The following TBC1D2B variants were observed in gnomAD, a reference collection of about 807,000 sequenced individuals.
TBC1D2B encodes the protein TBC1 domain family, member 2B.
In TBC1D2B, 64 loss-of-function variants were observed where a neutral mutation model predicts 100.8. The observed-to-expected ratio is 0.64, with a 90% confidence interval of 0.52 to 0.78. TBC1D2B has a LOEUF of 0.78. TBC1D2B is among the 30% of genes least tolerant of loss of function. TBC1D2B has a pLI of 0.00. For missense variants in TBC1D2B, 1,052 were observed against 1,218.4 expected, an observed-to-expected ratio of 0.86 and a Z score of 2.03; for synonymous variants, 480 against 479.7, an observed-to-expected ratio of 1.00 and a Z score of -0.01.
In TBC1D2B at chr15:78,054,056, A is replaced by T. The variant is rs757780772; in HGVS notation, c.492T>A (p.Gly164=). ...TACCAGTGTTATCTCTGGCTACAAG[A>T]CCCTTAGGAAAATCCCCGGGAGTTG... The part of the protein sequence containing the change: ...TSPTPGDFPK[G]LVARDNTDLI... The change falls in exon 2 of 13, where the codon GGT becomes GGA. Residue 164 remains glycine, a synonymous_variant. Transcript: ENST00000300584. 46 of 1,613,172 alleles carry T rather than the reference A, an allele frequency of 2.9e-5. No individual in the cohort carries two copies. The highest frequency in any genetic ancestry group is 3.9e-5 in the Non-Finnish European group (46 of 1,179,638).
intron 9 of TBC1D2B, among the ~76,000 whole-genome samples, chr15:78,010,247 G>A (rs2072187653): frequency 6.6e-6 from 1 of 152,122 alleles, no homozygotes; most frequent in Non-Finnish European, 1.5e-5. Flanking sequence ...CACTTGCTTT[G>A]TTGTTCATAA....
At chr15:78,055,320 A>G (rs1283581078) in intron 1 of TBC1D2B, among the ~76,000 whole-genome samples, 1 of 152,128 alleles carries the variant, frequency 6.6e-6, no homozygotes, top group Non-Finnish European at 1.5e-5. Context: ...TTAAAAAAAA[A>G]ATCAACCAAG....
chr15:78,056,686 CTTTTTTTTTTTTTTTTTTT>C (rs368714497), intron 1 of TBC1D2B, among the ~76,000 whole-genome samples: 1 of 112,900 alleles, frequency 8.9e-6, no homozygotes, highest in Non-Finnish European at 1.7e-5. Context: ...CAGTCCTCCT[CTTTTTTTTTTTTTTTTTTT>C]TTTTTTTTTT....
intron 3 of TBC1D2B, among the ~76,000 whole-genome samples, chr15:78,036,087 T>C (rs931674338): frequency 6.6e-5 from 10 of 152,212 alleles, no homozygotes; most frequent in African/African-American, 2.4e-4. Context: ...TGCACTGACA[T>C]AGTGGATACT....
chr15:78,027,957 G>T (rs1284709874), intron 4 of TBC1D2B, among the ~76,000 whole-genome samples: 2 of 151,490 alleles, frequency 1.3e-5, no homozygotes, highest in African/African-American at 4.8e-5. Context: ...GGATCCTATG[G>T]AGCACAGGTA....
At position 77,998,087 on chromosome 15, in the gene TBC1D2B, G is replaced by T. The variant is rs2071809772; in HGVS notation, c.*73C>A. The T allele has an allele frequency of 2.2e-6, 3 of 1,383,030 alleles. No homozygotes were observed. Among genetic ancestry groups the T allele is most frequent in the Non-Finnish European group, 2.9e-6 (3 of 1,039,294 alleles). The allele number at this position is 1,383,030 out of a possible 1,614,324, so 85.7% of individuals were successfully genotyped here. On this transcript the variant is annotated 3_prime_UTR_variant, in exon 13 of 13. Transcript: ENST00000300584. ...CAGAGGACACACACGTTACATTCTG[G>T]CTTTTAAGTGCACTTTCACCCTTTG... is the stretch of plus-strand genomic sequence containing the variant.
intron 2 of TBC1D2B, among the ~76,000 whole-genome samples, chr15:78,048,754 G>A (rs1057494449): frequency 9.2e-5 from 14 of 152,182 alleles, no homozygotes; most frequent in Non-Finnish European, 1.6e-4. Context: ...CTCCTAATGG[G>A]ACTCCCCGCA....
intron 1 of TBC1D2B, among the ~76,000 whole-genome samples, chr15:78,065,211 A>C (rs2073632772): frequency 6.6e-6 from 1 of 152,224 alleles, no homozygotes; most frequent in Admixed American, 6.5e-5. Context: ...TCTTAAACCC[A>C]TATTCAGCAA....
chr15:78,075,627 T>C (rs1419644880), intron 1 of TBC1D2B, among the ~76,000 whole-genome samples: 1 of 152,224 alleles, frequency 6.6e-6, no homozygotes, highest in African/African-American at 2.4e-5. Flanking sequence ...AGGAAGAGCC[T>C]CTGCCTTTGG....
chr15:78,037,137 C>T (rs1837911), intron 3 of TBC1D2B, among the ~76,000 whole-genome samples: 127,799 of 152,066 alleles, frequency 0.84, 55,097 homozygotes, highest in East Asian at 0.99. Flanking sequence ...TCCACAGGTT[C>T]CCTACTGTCC....
At chr15:78,042,102 A>G (rs535998487) in intron 3 of TBC1D2B, among the ~76,000 whole-genome samples, 6 of 152,138 alleles carry the variant, frequency 3.9e-5, no homozygotes, top group African/African-American at 9.7e-5. Context: ...TAACTCCTAC[A>G]CTAGATTTTT....
chr15:78,012,647 T>C (rs537317897), intron 9 of TBC1D2B, among the ~76,000 whole-genome samples, 176 bp downstream of exon 9: 2 of 152,370 alleles, frequency 1.3e-5, no homozygotes, highest in Admixed American at 6.5e-5. Flanking sequence ...GCTTTTTCTC[T>C]CAGTTCTTCT....
chr15:78,024,590 AG>A, intron 5 of TBC1D2B, 51 bp from the exon 6 acceptor site: 1 of 1,502,922 alleles, frequency 6.7e-7, no homozygotes, highest in South Asian at 1.3e-5. Flanking sequence ...CAAGGAGAGG[AG>A]GAAAAGCAGA....
chr15:78,024,442 A>T lies in TBC1D2B; in HGVS notation c.1184T>A (p.Leu395His). 6.2e-7 allele frequency: 1 copy of T among 1,614,032 alleles called. No homozygotes were observed. The highest frequency in any genetic ancestry group is 8.5e-7 in the Non-Finnish European group (1 of 1,179,902). ...RLCEGVPKDT[L>H]ELLHQKDDQI... Reference sequence around the variant, plus strand: ...ATCATCCTTTTGGTGCAGAAGCTCGAGCGTGTCCTTTGGGACCCCCTCACA... The same window carrying T: ...ATCATCCTTTTGGTGCAGAAGCTCGTGCGTGTCCTTTGGGACCCCCTCACA... The change falls in exon 6 of 13, where the codon CTC (leucine) becomes CAC (histidine). Residue 395 changes from leucine to histidine, a missense_variant. Physicochemically the swap from Leu to His is moderately conservative, Grantham distance 99. Coordinates refer to ENST00000300584, the MANE Select transcript of TBC1D2B (RefSeq NM_144572.2).
At chr15:78,022,161 C>A (rs552312921) in intron 6 of TBC1D2B, among the ~76,000 whole-genome samples, 1 of 152,332 alleles carries the variant, frequency 6.6e-6, no homozygotes, top group Admixed American at 6.5e-5. Flanking sequence ...GAGTTCAAGA[C>A]TAGCCCAGGC....
intron 1 of TBC1D2B, among the ~76,000 whole-genome samples, chr15:78,074,423 A>G (rs549677836): frequency 6.6e-6 from 1 of 152,312 alleles, no homozygotes; most frequent in African/African-American, 2.4e-5. Context: ...ATTTAATTTT[A>G]CATGTCAAAA....
Position 77,995,566 on chromosome 15 carries a change from G to A in TBC1D2B, c.*2594C>T, listed in dbSNP as rs2071728858. The A allele has an allele frequency of 6.6e-6, 1 of 152,228 alleles. No homozygotes were observed. The highest frequency in any genetic ancestry group is 6.6e-5 in the Admixed American group (1 of 15,264). The allele number at this position is 152,228 out of a possible 1,614,324, so 9.4% of individuals were successfully genotyped here. ...ACATAATAACTTGTTATATAAAATAGATATGTGGAATCTAGAAACACCTTG... is the reference window on the plus strand; with the variant it reads ...ACATAATAACTTGTTATATAAAATAAATATGTGGAATCTAGAAACACCTTG... On this transcript the variant is annotated 3_prime_UTR_variant, in exon 13 of 13. Coordinates refer to ENST00000300584, the MANE Select transcript of TBC1D2B (RefSeq NM_144572.2).
chr15:78,025,450 T>C lies in TBC1D2B; in HGVS notation c.895A>G (p.Lys299Glu). ...FPFDFGRNPYKGKRPLKDIIG... is the reference protein window; with the variant it reads ...FPFDFGRNPYEGKRPLKDIIG... ...ATGTCTTTCAAAGGGCGCTTTCCTTTGTAGGGGTTACGTCCAAAATCAAAG... is the reference window on the plus strand; with the variant it reads ...ATGTCTTTCAAAGGGCGCTTTCCTTCGTAGGGGTTACGTCCAAAATCAAAG... The change falls in exon 5 of 13, where the codon AAA (lysine) becomes GAA (glutamate). Residue 299 changes from lysine (K) to glutamate (E), a missense_variant. This residue lies in a region of TBC1D2B where 627 missense variants were observed against 646.1 expected (regional missense o/e 0.97). Transcript: ENST00000300584. The C allele has an allele frequency of 1.2e-6, 2 of 1,613,920 alleles. No individual in the cohort carries two copies. Among genetic ancestry groups the C allele is most frequent in the Non-Finnish European group, 1.7e-6 (2 of 1,179,872 alleles).
chr15:78,009,425 A>G (rs2072159936), intron 9 of TBC1D2B, among the ~76,000 whole-genome samples: 2 of 152,146 alleles, frequency 1.3e-5, no homozygotes, highest in Admixed American at 6.5e-5. Flanking sequence ...CTGTAGTCCT[A>G]GCTACCCAGT....
Sources: allele counts gnomAD v4.1 joint callset (sites outside exome capture counted in the v4.1 genomes callset), GRCh38; gene constraint gnomAD v4.1.1; regional missense constraint gnomAD v4.1.1; transcripts MANE v1.5; gene names NCBI Gene and HGNC (gene_info 2026-07-23, HGNC 2026-07-21).